PDE4B: variants seen among roughly 807,000 people sequenced by gnomAD.
PDE4B encodes 3',5'-cyclic-AMP phosphodiesterase 4B.
Under a neutral mutation model 82.2 loss-of-function variants are expected in PDE4B, and 20 were observed. The observed-to-expected ratio is 0.24, with a 90% CI of 0.17 to 0.35. The LOEUF (loss-of-function observed/expected upper bound fraction) is 0.35. PDE4B is among the 10% of genes least tolerant of loss of function. The pLI is 1.00. For synonymous variants in PDE4B, 320 were observed against 318.9 expected (o/e 1.00, Z -0.04); for missense variants, 655 against 907.2 (o/e 0.72, Z 3.57).
chr1:66,372,529 G>A lies in PDE4B; in HGVS notation c.2062G>A (p.Asp688Asn), dbSNP rs1198504257. The change falls in exon 17 of 17, where the codon GAT becomes AAT. Residue 688 changes from aspartate to asparagine, a missense_variant. By Grantham distance (23) the Asp-to-Asn change is conservative (BLOSUM62 1). This residue lies in a region of PDE4B where 119 missense variants were observed against 115.2 expected (regional missense o/e 1.03). Coordinates refer to ENST00000341517, the MANE Select transcript of PDE4B (RefSeq NM_002600.4). ...GTTTGAACTGACTCTCGATGAGGAA[G>A]ATTCTGAAGGACCTGAGAAGGAGGG... is the stretch of plus-strand genomic sequence containing the variant. ...FQFELTLDEEDSEGPEKEGEG... is the reference protein window; with the variant it reads ...FQFELTLDEENSEGPEKEGEG... 1 of 1,614,022 alleles carries A rather than the reference G, an allele frequency of 6.2e-7. No individual in the cohort carries two copies. The highest frequency in any genetic ancestry group is 8.5e-7 in the Non-Finnish European group (1 of 1,180,014).
In PDE4B at chr1:66,272,957, A is replaced by AT. The variant is rs535971422; in HGVS notation, c.634+6876dup. On this transcript the variant is annotated intron_variant, in intron 7 of 16. Coordinates refer to ENST00000341517, the MANE Select transcript of PDE4B (RefSeq NM_002600.4). The stretch of plus-strand genomic sequence containing the variant: ...AGGACCCCACCACCGTGCCCAGCTA[A>AT]TTTTTTGTATTTTTAGTAGAGACAG... Among the ~76,000 whole-genome samples the AT allele has an allele frequency of 2.1e-3, 314 of 151,194 alleles. 1 individual carries two copies. Among genetic ancestry groups the AT allele is most frequent in the Non-Finnish European group, 2.1e-3 (145 of 67,730 alleles).
chr1:66,074,669 C>T (rs1656325437), intron 3 of PDE4B, among the ~76,000 whole-genome samples: 1 of 149,106 alleles, frequency 6.7e-6, no homozygotes, highest in South Asian at 2.2e-4. Context: ...CTGCACTAAT[C>T]TGCTTTCTAT....
intron 3 of PDE4B, among the ~76,000 whole-genome samples, chr1:66,040,811 T>C (rs974301534): frequency 3.3e-5 from 5 of 151,794 alleles, no homozygotes; most frequent in Non-Finnish European, 7.4e-5. Flanking sequence ...AGTGTTATAG[T>C]ATAGAGGCCA....
At chr1:66,330,954 G>C (rs1219981257) in intron 7 of PDE4B, 1 of 178,840 alleles carries the variant, frequency 5.6e-6, no homozygotes, top group Admixed American at 6.5e-5. Context: ...TGGTTTTGTG[G>C]CTTTTTAAGC....
Position 66,361,547 on chromosome 1 carries a change from G to A in PDE4B, c.842-68G>A, listed in dbSNP as rs1292652784. The A allele has an allele frequency of 8.7e-6, 11 of 1,263,974 alleles. No homozygotes were observed. In the East Asian group the frequency reaches 2.6e-4, roughly 29 times the overall value. 78.3% of individuals were successfully genotyped at this position (1,263,974 alleles called of 1,614,324 possible). A position where few individuals can be genotyped will look rare whatever the true frequency, so the allele number is the denominator to read the frequency against. Reference sequence around the variant, plus strand: ...AAAGCTGTTATAGATGGTTAGAGTTGTTTTGAATATTGCAGTGGATTCTCA... The same window carrying A: ...AAAGCTGTTATAGATGGTTAGAGTTATTTTGAATATTGCAGTGGATTCTCA... On this transcript the variant is annotated intron_variant, in intron 9 of 16. Transcript: ENST00000341517.
At chr1:65,818,685 C>CACACACATATATATATATATATAT (rs141035147) in intron 1 of PDE4B, among the ~76,000 whole-genome samples, 147 of 143,746 alleles carry the variant, frequency 1.0e-3, no homozygotes, top group African/African-American at 3.4e-3. Context: ...CACACACACA[C>CACACACATATATATATATATATAT]ATATATATAT....
chr1:66,072,166 T>C (rs1373535740), intron 3 of PDE4B, among the ~76,000 whole-genome samples: 3 of 152,054 alleles, frequency 2.0e-5, no homozygotes, highest in African/African-American at 7.2e-5. Flanking sequence ...GCTTCTCCTA[T>C]AAAGAAAATT....
chr1:66,251,889 G>T (rs542907064), intron 4 of PDE4B, among the ~76,000 whole-genome samples: 28 of 152,264 alleles, frequency 1.8e-4, no homozygotes, highest in South Asian at 1.0e-3. Context: ...TATGTTGCAA[G>T]TGGAGAGTTA....
intron 3 of PDE4B, among the ~76,000 whole-genome samples, chr1:66,015,290 C>A (rs908560459): frequency 1.3e-5 from 2 of 152,094 alleles, no homozygotes; most frequent in African/African-American, 4.8e-5. Context: ...TTGTTTTGGC[C>A]TAGCTGCTCC....
chr1:65,945,531 G>A (rs1412846929), intron 3 of PDE4B, among the ~76,000 whole-genome samples: 1 of 151,918 alleles, frequency 6.6e-6, no homozygotes, highest in Admixed American at 6.6e-5. Context: ...ACTTGCCACC[G>A]AATGGCAGGT....
At chr1:66,161,835 A>C (rs1037839268) in intron 3 of PDE4B, among the ~76,000 whole-genome samples, 1 of 152,224 alleles carries the variant, frequency 6.6e-6, no homozygotes, top group African/African-American at 2.4e-5. Flanking sequence ...TAATGCAAAG[A>C]GCAAGGGATT....
intron 7 of PDE4B, among the ~76,000 whole-genome samples, chr1:66,292,878 GGAAGTTT>G (rs1278730741): frequency 4.6e-5 from 7 of 152,134 alleles, no homozygotes; most frequent in Non-Finnish European, 8.8e-5. Context: ...TCTATCCTAA[GGAAGTTT>G]GAATGAATTT....
intron 1 of PDE4B, among the ~76,000 whole-genome samples, chr1:65,813,712 T>C (rs1430728820): frequency 1.3e-5 from 2 of 152,192 alleles, no homozygotes; most frequent in African/African-American, 4.8e-5. Context: ...GTAGAAATTA[T>C]GATTTTTAAA....
At chr1:66,131,592 GAT>G (rs71058452) in intron 3 of PDE4B, among the ~76,000 whole-genome samples, 653 of 32,750 alleles carry the variant, frequency 0.02, 4 homozygotes, top group Non-Finnish European at 0.033. Context: ...CTGAATGCCA[GAT>G]ATATATATAT....
At chr1:65,964,043 G>A (rs1355003656) in intron 3 of PDE4B, among the ~76,000 whole-genome samples, 1 of 152,032 alleles carries the variant, frequency 6.6e-6, no homozygotes, top group Non-Finnish European at 1.5e-5. Context: ...GAAGTGATAA[G>A]AATAAAAAAT....
chr1:66,360,606 A>G (rs1056253202), intron 9 of PDE4B: 1 of 152,244 alleles, frequency 6.6e-6, no homozygotes, highest in Non-Finnish European at 1.5e-5. Context: ...AGTTCAATAA[A>G]GTAGTTTTTA....
intron 3 of PDE4B, among the ~76,000 whole-genome samples, chr1:65,988,140 T>C (rs1651050860): frequency 6.6e-6 from 1 of 152,210 alleles, no homozygotes; most frequent in African/African-American, 2.4e-5. Context: ...TAAAGTAATA[T>C]ATTAGAAATG....
In PDE4B at chr1:66,205,422, T is replaced by C. The variant is rs546728282; in HGVS notation, c.282-42038T>C. On this transcript the variant is annotated intron_variant, in intron 3 of 16. Coordinates refer to ENST00000341517, the MANE Select transcript of PDE4B (RefSeq NM_002600.4). ...ATTTTCTCTTTGAGCTTATGTATTC[T>C]TTAATGCTGTTAAGGTAATTCTGTT... 2.6e-5 allele frequency among the ~76,000 whole-genome samples: 4 copies of C among 152,354 alleles called. No homozygotes were observed. In the East Asian group the frequency reaches 7.7e-4, roughly 29 times the overall value.
chr1:66,105,680 G>A (rs975270328), intron 3 of PDE4B, among the ~76,000 whole-genome samples: 1 of 152,022 alleles, frequency 6.6e-6, no homozygotes, highest in Non-Finnish European at 1.5e-5. Flanking sequence ...GGATTCCTAG[G>A]TATTTTATTC....
Sources: gnomAD v4.1 joint callset for allele counts (sites outside exome capture counted in the v4.1 genomes callset) on GRCh38, gnomAD v4.1.1 for gene constraint, gnomAD v4.1.1 regional missense constraint, MANE v1.5 for transcripts, NCBI Gene and HGNC (gene_info 2026-07-23, HGNC 2026-07-21) for gene names.